Variants in CDYL2 observed in about 807,000 individuals in gnomAD.
The protein encoded by CDYL2 is chromodomain Y like 2, also known as chromodomain Y-like protein 2.
Under a neutral mutation model 49.4 loss-of-function variants are expected in CDYL2, and 23 were observed. The observed-to-expected ratio is 0.47, with a 90% CI of 0.34 to 0.66. The LOEUF (loss-of-function observed/expected upper bound fraction) is 0.66, where lower values mean the gene tolerates loss of function less well. Ranked by LOEUF, CDYL2 falls within the 30% of genes least tolerant of loss-of-function variation. The pLI, the probability that CDYL2 is intolerant of heterozygous loss-of-function variation, is 0.01. For missense variants in CDYL2, 678 were observed against 656.4 expected (o/e 1.03, Z -0.36); for synonymous variants, 360 against 268.8 (o/e 1.34, Z -3.32).
intron 1 of CDYL2, among the ~76,000 whole-genome samples, chr16:80,716,518 A>G (rs1399840845): frequency 6.6e-6 from 1 of 151,530 alleles, no homozygotes; most frequent in East Asian, 2.0e-4. Flanking sequence ...GATGGATGAT[A>G]AATGGATGAC....
chr16:80,662,193 C>A (rs56242207), intron 2 of CDYL2, among the ~76,000 whole-genome samples: 1 of 152,136 alleles, frequency 6.6e-6, no homozygotes, highest in Admixed American at 6.5e-5. Context: ...TCACATCTGG[C>A]GCTCTGAGTG....
chr16:80,797,790 A>T (rs1367275848), intron 1 of CDYL2, among the ~76,000 whole-genome samples: 2 of 152,140 alleles, frequency 1.3e-5, no homozygotes, highest in African/African-American at 4.8e-5. Flanking sequence ...CATCGCCATT[A>T]CCACTCCCTT....
chr16:80,619,556 G>A (rs1906983109), intron 4 of CDYL2, among the ~76,000 whole-genome samples: 1 of 152,202 alleles, frequency 6.6e-6, no homozygotes, highest in African/African-American at 2.4e-5. Flanking sequence ...TGCATGACGA[G>A]AGAAGCACGC....
At position 80,633,166 on chromosome 16, in the gene CDYL2, G is replaced by C. The variant is rs770901738; in HGVS notation, c.687C>G (p.Asp229Glu). 5.6e-6 allele frequency: 9 copies of C among 1,614,184 alleles called. No homozygotes were observed. Among genetic ancestry groups the C allele is most frequent in the Non-Finnish European group, 6.8e-6 (8 of 1,180,026 alleles). The change falls in exon 3 of 7, where the codon GAC becomes GAG. Residue 229 changes from aspartate to glutamate, a missense_variant. Around this residue, in one of 3 missense-constraint regions of CDYL2, gnomAD observed 478 missense variants for 427.0 expected, o/e 1.12. Coordinates refer to ENST00000570137, the MANE Select transcript of CDYL2 (RefSeq NM_152342.4). ...ATCTGAGCCTTTTGTCAAAGACGTA[G>C]TCCTTCTCCGCTTCCAGCTTCCTCT... ...PVKRKLEAEK[D>E]YVFDKRLRYS...
intron 2 of CDYL2, among the ~76,000 whole-genome samples, chr16:80,649,295 A>T (rs182586387): frequency 6.6e-6 from 1 of 152,288 alleles, no homozygotes; most frequent in East Asian, 1.9e-4. Flanking sequence ...AAGTTGCAAG[A>T]TACAAGACCA....
chr16:80,749,510 A>G (rs897967791), intron 1 of CDYL2, among the ~76,000 whole-genome samples: 1 of 152,152 alleles, frequency 6.6e-6, no homozygotes, highest in Non-Finnish European at 1.5e-5. Context: ...GAAAAGCAAA[A>G]TCAACAGCTA....
intron 4 of CDYL2, among the ~76,000 whole-genome samples, chr16:80,615,036 C>T (rs550929117): frequency 4.6e-5 from 7 of 152,176 alleles, no homozygotes; most frequent in Admixed American, 6.5e-5. Context: ...AGGTATCTTA[C>T]GATCTATGTA....
At chr16:80,691,329 G>T (rs1396172270) in intron 1 of CDYL2, among the ~76,000 whole-genome samples, 2 of 152,198 alleles carry the variant, frequency 1.3e-5, no homozygotes, top group Admixed American at 1.3e-4. Flanking sequence ...CTTGGCATGG[G>T]CTATTTAAAA....
At chr16:80,635,892 G>T (rs1907800055) in intron 2 of CDYL2, among the ~76,000 whole-genome samples, 1 of 152,026 alleles carries the variant, frequency 6.6e-6, no homozygotes, top group African/African-American at 2.4e-5. Context: ...CAGAACAGAG[G>T]CCTCAGAAAT....
At chr16:80,765,606 G>C (rs1906692375) in intron 1 of CDYL2, among the ~76,000 whole-genome samples, 1 of 151,308 alleles carries the variant, frequency 6.6e-6, no homozygotes, top group Admixed American at 6.6e-5. Context: ...GCAAAAACTT[G>C]TACACAGATG....
At chr16:80,632,170 T>A (rs909628895) in intron 3 of CDYL2, among the ~76,000 whole-genome samples, 15 of 151,814 alleles carry the variant, frequency 9.9e-5, no homozygotes, top group African/African-American at 3.4e-4. Context: ...AAGCCAAAAG[T>A]CGAACAAATA....
At chr16:80,759,102 C>CTATATATATAGATATATA (rs1906422597) in intron 1 of CDYL2, among the ~76,000 whole-genome samples, 1 of 63,388 alleles carries the variant, frequency 1.6e-5, no homozygotes, top group African/African-American at 7.7e-5. Context: ...AAACCATATA[C>CTATATATATAGATATATA]TATATATATA....
chr16:80,722,592 A>G (rs528298726), intron 1 of CDYL2, among the ~76,000 whole-genome samples: 17 of 152,192 alleles, frequency 1.1e-4, no homozygotes, highest in African/African-American at 3.6e-4. Flanking sequence ...TCTTAGGCCT[A>G]TTTTACAGAT....
chr16:80,771,498 G>A (rs544848976), intron 1 of CDYL2, among the ~76,000 whole-genome samples: 2 of 152,338 alleles, frequency 1.3e-5, no homozygotes, highest in Admixed American at 6.5e-5. Flanking sequence ...GTGGTCTGGA[G>A]TTTGAGACCA....
At chr16:80,716,361 A>G (rs1904798416) in intron 1 of CDYL2, among the ~76,000 whole-genome samples, 1 of 152,230 alleles carries the variant, frequency 6.6e-6, no homozygotes, top group Non-Finnish European at 1.5e-5. Context: ...GACTTACCAC[A>G]GCTCCTGACA....
chr16:80,694,605 TA>T (rs1278372731), intron 1 of CDYL2, among the ~76,000 whole-genome samples: 5 of 152,192 alleles, frequency 3.3e-5, no homozygotes, highest in African/African-American at 1.2e-4. Context: ...TTTACACATA[TA>T]AACATGGAAA....
intron 2 of CDYL2, among the ~76,000 whole-genome samples, chr16:80,655,079 G>C (rs896945082): frequency 2.0e-5 from 3 of 152,230 alleles, no homozygotes; most frequent in African/African-American, 7.2e-5. Context: ...GGTGTCACCA[G>C]ATGCCCAGAG....
intron 1 of CDYL2, among the ~76,000 whole-genome samples, chr16:80,779,496 T>C (rs1227598779): frequency 1.3e-5 from 2 of 152,040 alleles, no homozygotes; most frequent in South Asian, 2.1e-4. Flanking sequence ...GGCATACTCA[T>C]TGACATTCCA....
chr16:80,613,454 A>G (rs1219342660), intron 4 of CDYL2, among the ~76,000 whole-genome samples: 2 of 152,134 alleles, frequency 1.3e-5, no homozygotes, highest in South Asian at 2.1e-4. Context: ...CACACCTAGG[A>G]TGGTCTGATT....
Sources: gnomAD v4.1 joint callset for allele counts (sites outside exome capture counted in the v4.1 genomes callset) on GRCh38, gnomAD v4.1.1 for gene constraint, gnomAD v4.1.1 regional missense constraint, MANE v1.5 for transcripts, NCBI Gene and HGNC (gene_info 2026-07-23, HGNC 2026-07-21) for gene names.